FARS2: variants seen among roughly 807,000 people sequenced by gnomAD.
FARS2 encodes the protein phenylalanine--tRNA ligase, mitochondrial.
FARS2 carries 40 observed loss-of-function variants against 46.4 expected under a neutral mutation model. The observed-to-expected ratio is 0.86, with a 90% CI of 0.67 to 1.12. The LOEUF is 1.12. Ranked by LOEUF, FARS2 falls within the 50% of genes most tolerant of loss-of-function variation. The probability of loss-of-function intolerance (pLI) is 0.00; values close to 1 mark genes in which losing one functional copy is unlikely to be tolerated. For synonymous variants in FARS2, 234 were observed against 214.9 expected, an observed-to-expected ratio of 1.09 and a Z score of -0.78; for missense variants, 513 against 567.9, an observed-to-expected ratio of 0.90 and a Z score of 0.98.
intron 6 of FARS2, among the ~76,000 whole-genome samples, chr6:5,697,312 C>T (rs1758166676): frequency 1.3e-5 from 2 of 152,144 alleles, no homozygotes; most frequent in South Asian, 2.1e-4. Context: ...AGGAAACAGA[C>T]CGATGGCTGG....
chr6:5,450,149 C>T (rs1321792109), intron 4 of FARS2, among the ~76,000 whole-genome samples: 1 of 152,204 alleles, frequency 6.6e-6, no homozygotes, highest in Non-Finnish European at 1.5e-5. Context: ...CTACAGATGG[C>T]CCCTGCCCTC....
chr6:5,376,538 T>C (rs1213870454), intron 2 of FARS2, among the ~76,000 whole-genome samples: 1 of 152,114 alleles, frequency 6.6e-6, no homozygotes, highest in Non-Finnish European at 1.5e-5. Context: ...TGTTAAAAAG[T>C]CTCAAAAACC....
At chr6:5,637,972 A>G (rs1236365741) in intron 6 of FARS2, among the ~76,000 whole-genome samples, 1 of 152,208 alleles carries the variant, frequency 6.6e-6, no homozygotes, top group African/African-American at 2.4e-5. Context: ...TTGGGAGGAC[A>G]CAGTTCAACC....
intron 6 of FARS2, among the ~76,000 whole-genome samples, chr6:5,692,757 C>T (rs1757836823): frequency 6.6e-6 from 1 of 152,106 alleles, no homozygotes; most frequent in African/African-American, 2.4e-5. Flanking sequence ...GAATTTGTAA[C>T]CTGTGAACAT....
At chr6:5,661,118 T>A (rs915557849) in intron 6 of FARS2, among the ~76,000 whole-genome samples, 1 of 152,102 alleles carries the variant, frequency 6.6e-6, no homozygotes, top group Non-Finnish European at 1.5e-5. Context: ...ACTCAGCAGA[T>A]CCCAAAATAA....
At chr6:5,643,410 A>G (rs1339112183) in intron 6 of FARS2, among the ~76,000 whole-genome samples, 1 of 152,198 alleles carries the variant, frequency 6.6e-6, no homozygotes, top group East Asian at 1.9e-4. Context: ...TATAAGGAGA[A>G]AAACCTCAGA....
intron 4 of FARS2, among the ~76,000 whole-genome samples, chr6:5,510,059 G>C (rs1414580090): frequency 1.3e-5 from 2 of 152,188 alleles, no homozygotes; most frequent in East Asian, 3.9e-4. Context: ...TAGATGGCAA[G>C]AAGGCAGCAC....
intron 6 of FARS2, among the ~76,000 whole-genome samples, chr6:5,651,164 G>A (rs775250312): frequency 5.3e-5 from 8 of 152,206 alleles, no homozygotes; most frequent in Non-Finnish European, 1.0e-4. Flanking sequence ...AAAAGCAGAT[G>A]GAGAAGTGGA....
intron 2 of FARS2, among the ~76,000 whole-genome samples, chr6:5,376,584 G>C (rs1289121532): frequency 1.3e-5 from 2 of 152,142 alleles, no homozygotes; most frequent in African/African-American, 4.8e-5. Flanking sequence ...AATGGGCTCT[G>C]TTTTTATATT....
chr6:5,350,468 G>A (rs1014085193), intron 1 of FARS2, among the ~76,000 whole-genome samples: 9 of 152,172 alleles, frequency 5.9e-5, no homozygotes, highest in Non-Finnish European at 1.0e-4. Flanking sequence ...TGGCATTTGC[G>A]AAAGGTTAGA....
chr6:5,321,417 A>T (rs1359949397), intron 1 of FARS2, among the ~76,000 whole-genome samples: 2 of 152,170 alleles, frequency 1.3e-5, no homozygotes, highest in African/African-American at 4.8e-5. Flanking sequence ...GGGAGGAAAC[A>T]GTGTGAGCAG....
intron 1 of FARS2, among the ~76,000 whole-genome samples, chr6:5,329,566 A>G (rs1410559379): frequency 6.6e-6 from 1 of 152,192 alleles, no homozygotes; most frequent in Non-Finnish European, 1.5e-5. Flanking sequence ...CAGACCCCAC[A>G]GGCTAAAAAC....
intron 4 of FARS2, among the ~76,000 whole-genome samples, chr6:5,523,075 T>G (rs1196784030): frequency 6.6e-6 from 1 of 152,308 alleles, no homozygotes; most frequent in Admixed American, 6.5e-5. Flanking sequence ...GGAAGTAAAC[T>G]TCTAGAATAG....
chr6:5,381,238 C>T (rs944453574), intron 2 of FARS2, among the ~76,000 whole-genome samples: 7 of 151,898 alleles, frequency 4.6e-5, no homozygotes, highest in African/African-American at 1.7e-4. Flanking sequence ...ACCTCGTTAT[C>T]CGCCCGCCTC....
At chr6:5,541,830 G>A (rs569123311) in intron 4 of FARS2, among the ~76,000 whole-genome samples, 137 of 152,192 alleles carry the variant, frequency 9.0e-4, no homozygotes, top group South Asian at 2.5e-3. Flanking sequence ...AATACTTAGG[G>A]TTATCTCTTG....
At chr6:5,588,274 C>T (rs1773728101) in intron 5 of FARS2, among the ~76,000 whole-genome samples, 1 of 152,074 alleles carries the variant, frequency 6.6e-6, no homozygotes, top group Non-Finnish European at 1.5e-5. Flanking sequence ...GCGTGGGCAG[C>T]AGGGCATTGC....
intron 6 of FARS2, among the ~76,000 whole-genome samples, chr6:5,747,821 T>C (rs1761722576): frequency 6.6e-6 from 1 of 152,248 alleles, no homozygotes; most frequent in Admixed American, 6.5e-5. Flanking sequence ...TATTGATTGC[T>C]GAAGTATTTT....
intron 6 of FARS2, among the ~76,000 whole-genome samples, chr6:5,619,562 T>C (rs901073582): frequency 6.6e-6 from 1 of 152,216 alleles, no homozygotes; most frequent in Non-Finnish European, 1.5e-5. Flanking sequence ...TCTTCATCCC[T>C]ACTTGAACTT....
chr6:5,504,843 A>G (rs1395597235), intron 4 of FARS2, among the ~76,000 whole-genome samples: 1 of 151,974 alleles, frequency 6.6e-6, no homozygotes, highest in East Asian at 1.9e-4. Flanking sequence ...TTCTTTTTTG[A>G]CATAGGGTCT....
Sources: allele counts gnomAD v4.1 joint callset (sites outside exome capture counted in the v4.1 genomes callset), GRCh38; gene constraint gnomAD v4.1.1; transcripts MANE v1.5; gene names NCBI Gene and HGNC (gene_info 2026-07-23, HGNC 2026-07-21).